The following PDE11A variants were observed in gnomAD, a reference collection of about 807,000 sequenced individuals.
PDE11A encodes phosphodiesterase 11A, also known as dual 3',5'-cyclic-AMP and -GMP phosphodiesterase 11A.
A neutral mutation model predicts 100.5 loss-of-function variants in PDE11A; 100 were observed. The observed-to-expected ratio is 1.00, with a 90% CI of 0.85 to 1.18. The LOEUF (loss-of-function observed/expected upper bound fraction) is 1.18, where lower values mean the gene tolerates loss of function less well. Among genes scored for constraint, PDE11A ranks in the 50% most tolerant of loss-of-function variants. The probability of loss-of-function intolerance (pLI) is 0.00; values close to 1 mark genes in which losing one functional copy is unlikely to be tolerated. For synonymous variants in PDE11A, 381 were observed against 420.8 expected, an observed-to-expected ratio of 0.91 and a Z score of 1.16; for missense variants, 1,141 against 1,152.6, an observed-to-expected ratio of 0.99 and a Z score of 0.15.
intron 9 of PDE11A, among the ~76,000 whole-genome samples, chr2:177,798,466 A>G (rs1198600051): frequency 6.6e-6 from 1 of 152,176 alleles, no homozygotes. Flanking sequence ...ATTAATGATT[A>G]TTTATCTTAC....
rs532890841 is a variant in PDE11A at position 177,920,186 on chromosome 2, G to A, written c.1072-14999C>T. On this transcript the variant is annotated intron_variant, in intron 2 of 19. Coordinates refer to ENST00000286063, the MANE Select transcript of PDE11A (RefSeq NM_016953.4). ...AGGCCTTTCCAACCATACCCTATAT[G>A]TGGAAATTATATGAGAGACTTCACA... 1.1e-4 allele frequency among the ~76,000 whole-genome samples: 17 copies of A among 152,128 alleles called. No individual in the cohort carries two copies. In the Middle Eastern group the frequency reaches 0.01, roughly 91 times the overall value.
intron 6 of PDE11A, among the ~76,000 whole-genome samples, chr2:177,822,712 A>G (rs2105590558): frequency 6.6e-6 from 1 of 152,242 alleles, no homozygotes; most frequent in South Asian, 2.1e-4. Flanking sequence ...TGAGTCTTTC[A>G]ATCCATAAAT....
rs760069902 is a variant in PDE11A at position 177,840,328 on chromosome 2, TGCTGTTATTTATTA to T, written c.1409_1422del (p.Leu470HisfsTer3). ...CCTGTTGAAGCAACCAGCTCAGCAATGCTGTTATTTATTAGCCAGTCGGAGTATGATGATTTCTC... is the reference window on the plus strand; with the variant it reads ...CCTGTTGAAGCAACCAGCTCAGCAATGCCAGTCGGAGTATGATGATTTCTC... On this transcript the variant is annotated frameshift_variant, in exon 6 of 20. Coordinates refer to ENST00000286063, the MANE Select transcript of PDE11A (RefSeq NM_016953.4). LOFTEE classifies it high-confidence loss of function. The T allele has an allele frequency of 1.5e-5, 25 of 1,613,680 alleles. No individual in the cohort carries two copies. The highest frequency in any genetic ancestry group is 2.0e-5 in the Non-Finnish European group (24 of 1,179,564).
Position 178,053,682 on chromosome 2 carries a change from A to G in PDE11A, c.912+17844T>C, listed in dbSNP as rs190656125. 9.8e-5 allele frequency among the ~76,000 whole-genome samples: 15 copies of G among 152,370 alleles called. No individual in the cohort carries two copies. The East Asian group carries it at 1.4e-3, about 14-fold the overall frequency. On this transcript the variant is annotated intron_variant, in intron 1 of 19. Coordinates refer to ENST00000286063, the MANE Select transcript of PDE11A (RefSeq NM_016953.4). ...TCAGCAGTCTCAGGATACAACATCA[A>G]TGTTCAAAAATCACAAGCATTCCTA...
chr2:177,767,800 C>G (rs1052858020), intron 10 of PDE11A, among the ~76,000 whole-genome samples: 1 of 152,138 alleles, frequency 6.6e-6, no homozygotes, highest in Admixed American at 6.5e-5. Context: ...CAACAAGTAT[C>G]TATTGAGTGT....
At chr2:177,933,877 G>A (rs1414793632) in intron 2 of PDE11A, among the ~76,000 whole-genome samples, 2 of 152,136 alleles carry the variant, frequency 1.3e-5, no homozygotes, top group Admixed American at 6.5e-5. Context: ...ATAAGCAATT[G>A]TGAAAGGACT....
chr2:178,105,913 T>C (rs1158769269), intron 1 of PDE11A, among the ~76,000 whole-genome samples: 5 of 152,204 alleles, frequency 3.3e-5, no homozygotes, highest in Admixed American at 3.3e-4. Flanking sequence ...TGGGTTCTAT[T>C]TTTCTGTTTT....
intron 1 of PDE11A, among the ~76,000 whole-genome samples, chr2:178,030,996 G>C (rs564946715): frequency 7.8e-4 from 119 of 152,256 alleles, no homozygotes; most frequent in Non-Finnish European, 1.1e-3. Context: ...TAACCAAGTT[G>C]ATGTTTCCTA....
intron 2 of PDE11A, among the ~76,000 whole-genome samples, chr2:178,090,703 G>A (rs138962865): frequency 3.0e-4 from 46 of 152,292 alleles, no homozygotes; most frequent in African/African-American, 1.1e-3. Context: ...TAGGAGGTAG[G>A]TACATCACCT....
chr2:177,761,306 T>C (rs1558925295), intron 10 of PDE11A, among the ~76,000 whole-genome samples: 1 of 152,178 alleles, frequency 6.6e-6, no homozygotes, highest in Non-Finnish European at 1.5e-5. Context: ...TCAAACAGCA[T>C]AAAGCAAGGA....
At chr2:178,089,519 T>A (rs565523466) in intron 2 of PDE11A, among the ~76,000 whole-genome samples, 1 of 152,292 alleles carries the variant, frequency 6.6e-6, no homozygotes, top group South Asian at 2.1e-4. Flanking sequence ...GCCAGAGGAT[T>A]AGATATCAAA....
chr2:178,066,521 C>G (rs1440933510), intron 1 of PDE11A, among the ~76,000 whole-genome samples: 29 of 152,140 alleles, frequency 1.9e-4, no homozygotes, highest in Admixed American at 1.9e-3. Flanking sequence ...GGTTTTTGGC[C>G]ACCTGATCCC....
intron 2 of PDE11A, among the ~76,000 whole-genome samples, chr2:177,906,208 A>G (rs538224876): frequency 9.2e-5 from 14 of 151,608 alleles, no homozygotes; most frequent in African/African-American, 3.1e-4. Context: ...CACGCACACA[A>G]TGGTGCCCTA....
chr2:177,649,740 G>A (rs13008857), intron 19 of PDE11A, among the ~76,000 whole-genome samples: 93,756 of 152,106 alleles, frequency 0.62, 32,698 homozygotes, highest in Non-Finnish European at 0.75. Flanking sequence ...GGTTGCCCCA[G>A]TGAAAGGAAC....
intron 5 of PDE11A, among the ~76,000 whole-genome samples, chr2:177,853,875 G>T (rs368200555): frequency 8.4e-5 from 11 of 130,296 alleles, no homozygotes; most frequent in South Asian, 5.0e-4. Flanking sequence ...TATGTATATA[G>T]ATATCTATAT....
chr2:177,915,650 A>G (rs375753160), intron 2 of PDE11A, among the ~76,000 whole-genome samples: 90 of 152,376 alleles, frequency 5.9e-4, no homozygotes, highest in African/African-American at 2.0e-3. Context: ...AAAAGCTGCT[A>G]TAAACATTCA....
chr2:177,819,868 TTCTCTCTC>T (rs34374310), intron 7 of PDE11A, among the ~76,000 whole-genome samples: 3 of 139,188 alleles, frequency 2.2e-5, no homozygotes, highest in Admixed American at 1.4e-4. Context: ...CTTTCTCTCT[TTCTCTCTC>T]TCTCTCTCTC....
chr2:177,694,682 A>G (rs2081084782), intron 15 of PDE11A, among the ~76,000 whole-genome samples: 1 of 152,206 alleles, frequency 6.6e-6, no homozygotes, highest in South Asian at 2.1e-4. Context: ...TTAAAATTAT[A>G]TTTATCAAAG....
At position 177,625,578 on chromosome 2, in the gene PDE11A, A is replaced by T. The variant is rs1318134877; in HGVS notation, c.*3829T>A. ...AAATACATCTCATCGAAAAAGTAGG[A>T]TGAAGTTATTTCAACAATTAATGCC... On this transcript the variant is annotated 3_prime_UTR_variant, in exon 20 of 20. Coordinates refer to ENST00000286063, the MANE Select transcript of PDE11A (RefSeq NM_016953.4). 1 of 152,228 alleles carries T rather than the reference A, an allele frequency of 6.6e-6. No individual in the cohort carries two copies. The highest frequency in any genetic ancestry group is 2.4e-5 in the African/African-American group (1 of 41,456). The allele number at this position is 152,228 out of a possible 1,614,324, so 9.4% of individuals were successfully genotyped here.
Sources: gnomAD v4.1 joint callset for allele counts (sites outside exome capture counted in the v4.1 genomes callset) on GRCh38, gnomAD v4.1.1 for gene constraint, MANE v1.5 for transcripts, NCBI Gene and HGNC (gene_info 2026-07-23, HGNC 2026-07-21) for gene names.